The following STYK1 variants were observed in gnomAD, a reference collection of about 807,000 sequenced individuals.
The protein encoded by STYK1 is STY kinase 1.
Under a neutral mutation model 48.1 loss-of-function variants are expected in STYK1, and 46 were observed. The observed-to-expected ratio is 0.96, with a 90% CI of 0.75 to 1.22. STYK1 has a LOEUF of 1.22. STYK1 is among the 50% of genes most tolerant of loss of function. The pLI, the probability that STYK1 is intolerant of heterozygous loss-of-function variation, is 0.00. For synonymous variants in STYK1, 188 were observed against 189.0 expected (o/e 0.99, Z 0.04); for missense variants, 527 against 521.1 (o/e 1.01, Z -0.11).
intron 1 of STYK1, among the ~76,000 whole-genome samples, chr12:10,650,326 T>C (rs1947649340): frequency 6.6e-6 from 1 of 152,134 alleles, no homozygotes; most frequent in Non-Finnish European, 1.5e-5. Flanking sequence ...TCTTAATCTA[T>C]TGAAGCCTTG....
chr12:10,670,996 T>A (rs1297717015), intron 1 of STYK1, among the ~76,000 whole-genome samples: 1 of 25,464 alleles, frequency 3.9e-5, no homozygotes, highest in East Asian at 1.6e-3. Context: ...AATATATTGA[T>A]TTTTTTTTTT....
intron 1 of STYK1, 74 bp downstream of exon 1, chr12:10,673,892 C>G (rs1565578482): frequency 1.3e-5 from 2 of 152,780 alleles, no homozygotes. Context: ...CCTCCCCCAG[C>G]TGCCTCGCTG....
chr12:10,634,001 G>T lies in STYK1; in HGVS notation c.176C>A (p.Ser59Tyr), dbSNP rs775530218. 6.2e-7 allele frequency: 1 copy of T among 1,614,044 alleles called. No homozygotes were observed. The highest frequency in any genetic ancestry group is 8.5e-7 in the Non-Finnish European group (1 of 1,179,994). Reference sequence around the variant, plus strand: ...AGTTTGAGCTTTACCTTGAGGTCCAGAACGCTGCTGTTGAGTTCTTTGTTC... The same window carrying T: ...AGTTTGAGCTTTACCTTGAGGTCCATAACGCTGCTGTTGAGTTCTTTGTTC... ...IREQRTQQQR[S>Y]GPQGIAPVPP... The change falls in exon 4 of 11, where the codon TCT becomes TAT. Residue 59 changes from serine to tyrosine, a missense_variant. By Grantham distance (144) the Ser-to-Tyr change is moderately radical. Coordinates refer to ENST00000075503, the MANE Select transcript of STYK1 (RefSeq NM_018423.3).
chr12:10,633,042 C>A (rs1279159516), intron 4 of STYK1, among the ~76,000 whole-genome samples: 1 of 152,040 alleles, frequency 6.6e-6, no homozygotes, highest in Non-Finnish European at 1.5e-5. Flanking sequence ...GTTCAAGGGA[C>A]TATCATTGGA....
intron 1 of STYK1, among the ~76,000 whole-genome samples, chr12:10,644,161 A>T (rs1310211752): frequency 6.6e-6 from 1 of 152,218 alleles, no homozygotes; most frequent in Non-Finnish European, 1.5e-5. Context: ...AAAATAGATC[A>T]GTGTTTACCA....
chr12:10,622,022 T>A (rs748240568), intron 9 of STYK1, 50 bp from the exon 10 acceptor site: 2 of 1,504,928 alleles, frequency 1.3e-6, no homozygotes, highest in South Asian at 2.3e-5. Context: ...AAATATGAAC[T>A]GTAACTAACA....
At position 10,634,562 on chromosome 12, in the gene STYK1, C is replaced by T. The variant is rs1251914850; in HGVS notation, c.52+5G>A. ...AGGATAGACATCTGTGGAATCCGTACTTACCACACAACTTGTCACTGAGAC... is the reference window on the plus strand; with the variant it reads ...AGGATAGACATCTGTGGAATCCGTATTTACCACACAACTTGTCACTGAGAC... On this transcript the variant is annotated splice_donor_5th_base_variant and intron_variant, in intron 3 of 10. Transcript: ENST00000075503. The T allele has an allele frequency of 1.2e-6, 2 of 1,613,782 alleles. No individual in the cohort carries two copies. The highest frequency in any genetic ancestry group is 1.7e-6 in the Non-Finnish European group (2 of 1,179,788).
intron 1 of STYK1, among the ~76,000 whole-genome samples, chr12:10,639,151 A>G (rs1947517084): frequency 6.6e-6 from 1 of 152,198 alleles, no homozygotes; most frequent in Non-Finnish European, 1.5e-5. Flanking sequence ...AACAAAAAAC[A>G]AAACCAAAAC....
At chr12:10,651,186 T>C (rs1291900273) in intron 1 of STYK1, among the ~76,000 whole-genome samples, 1 of 152,176 alleles carries the variant, frequency 6.6e-6, no homozygotes, top group African/African-American at 2.4e-5. Flanking sequence ...TCCTGCACTT[T>C]TCCTGCTCTA....
chr12:10,630,167 C>T (rs1199828645), intron 5 of STYK1, among the ~76,000 whole-genome samples: 3 of 151,828 alleles, frequency 2.0e-5, no homozygotes, highest in Non-Finnish European at 4.4e-5. Flanking sequence ...TGGTGGATCA[C>T]CTGAGGTCAG....
At chr12:10,626,707 G>T (rs145279592) in intron 7 of STYK1, among the ~76,000 whole-genome samples, 1 of 152,020 alleles carries the variant, frequency 6.6e-6, no homozygotes, top group South Asian at 2.1e-4. Context: ...CTCTTATCTC[G>T]TTATTTAAGT....
At chr12:10,648,165 G>T (rs539272113) in intron 1 of STYK1, among the ~76,000 whole-genome samples, 1 of 152,152 alleles carries the variant, frequency 6.6e-6, no homozygotes, top group South Asian at 2.1e-4. Flanking sequence ...TTCATCAAAT[G>T]GAATTTAGGC....
intron 1 of STYK1, among the ~76,000 whole-genome samples, chr12:10,646,315 C>A (rs1481256107): frequency 6.6e-6 from 1 of 152,144 alleles, no homozygotes; most frequent in African/African-American, 2.4e-5. Context: ...CTGAAGTGGT[C>A]TCAGATGGAG....
chr12:10,632,023 T>C (rs959953817), intron 4 of STYK1, among the ~76,000 whole-genome samples: 1 of 152,054 alleles, frequency 6.6e-6, no homozygotes, highest in Non-Finnish European at 1.5e-5. Context: ...CAGGTAATAA[T>C]ATATCAAGCA....
intron 8 of STYK1, 103 bp from the exon 9 acceptor site, chr12:10,622,781 C>G: frequency 7.4e-7 from 1 of 1,359,364 alleles, no homozygotes. Flanking sequence ...ATGAAAAAGG[C>G]AATGAAGGAG....
At chr12:10,641,218 T>C (rs1947539370) in intron 1 of STYK1, among the ~76,000 whole-genome samples, 1 of 152,154 alleles carries the variant, frequency 6.6e-6, no homozygotes, top group African/African-American at 2.4e-5. Context: ...CACAGGATTA[T>C]CTCTAATCCA....
chr12:10,658,456 G>A (rs1014070085), intron 1 of STYK1, among the ~76,000 whole-genome samples: 19 of 152,178 alleles, frequency 1.2e-4, no homozygotes, highest in African/African-American at 3.9e-4. Context: ...CTCTATTAAT[G>A]AGTAAAGTTT....
chr12:10,659,074 T>A (rs574384047), intron 1 of STYK1, among the ~76,000 whole-genome samples: 1 of 152,190 alleles, frequency 6.6e-6, no homozygotes, highest in Non-Finnish European at 1.5e-5. Context: ...AAAACTTTCA[T>A]GATTCTCACG....
chr12:10,631,333 C>A (rs568730720), intron 4 of STYK1, 25 bp from the exon 5 acceptor site: 2 of 1,603,218 alleles, frequency 1.2e-6, no homozygotes, highest in African/African-American at 1.3e-5. Context: ...TGATGTCAAC[C>A]AGTTTTTCCC....
Sources: gnomAD v4.1 joint callset for allele counts (sites outside exome capture counted in the v4.1 genomes callset) on GRCh38, gnomAD v4.1.1 for gene constraint, MANE v1.5 for transcripts, NCBI Gene and HGNC (gene_info 2026-07-23, HGNC 2026-07-21) for gene names.